The following FER variants were observed in gnomAD, a reference collection of about 807,000 sequenced individuals.
The protein encoded by FER is FER tyrosine kinase, also known as tyrosine-protein kinase Fer.
FER carries 63 observed loss-of-function variants against 111.0 expected under a neutral mutation model. That is an observed-to-expected ratio of 0.57 (90% CI 0.46 to 0.70). FER has a LOEUF of 0.70. Ranked by LOEUF, FER falls within the 30% of genes least tolerant of loss-of-function variation. The pLI is 0.00. For synonymous variants in FER, 327 were observed against 313.9 expected (o/e 1.04, Z -0.44); for missense variants, 914 against 954.0 (o/e 0.96, Z 0.55).
At chr5:109,015,660 C>T (rs1307676662) in intron 13 of FER, among the ~76,000 whole-genome samples, 1 of 151,868 alleles carries the variant, frequency 6.6e-6, no homozygotes, top group Non-Finnish European at 1.5e-5. Context: ...CACATCATGC[C>T]TCGGGGAAGC....
chr5:109,018,812 G>C (rs77415026), intron 13 of FER, among the ~76,000 whole-genome samples: 10 of 151,672 alleles, frequency 6.6e-5, no homozygotes, highest in African/African-American at 2.4e-4. Flanking sequence ...AGTAGAGTTG[G>C]ATTTCACCCA....
At chr5:108,748,986 G>C (rs1750090735) in intron 1 of FER, 1 of 152,586 alleles carries the variant, frequency 6.6e-6, no homozygotes, top group African/African-American at 2.4e-5. Flanking sequence ...GGGCTTGTCA[G>C]GTTCTAGGTA....
At chr5:109,070,464 A>C (rs1311215132) in intron 16 of FER, among the ~76,000 whole-genome samples, 3 of 151,878 alleles carry the variant, frequency 2.0e-5, no homozygotes, top group Non-Finnish European at 4.4e-5. Flanking sequence ...AATACTAATG[A>C]AAGAAAAAAC....
At chr5:109,051,412 C>T (rs1396705888) in intron 16 of FER, 185 of 1,612,418 alleles carry the variant, frequency 1.1e-4, no homozygotes, top group Non-Finnish European at 1.5e-4. Flanking sequence ...TAGTTCATGT[C>T]CAGCAGCTAG....
intron 16 of FER, among the ~76,000 whole-genome samples, chr5:109,081,442 T>C (rs1268953261): frequency 6.6e-6 from 1 of 152,060 alleles, no homozygotes; most frequent in African/African-American, 2.4e-5. Context: ...AGGAGAAATA[T>C]CTGTTTATGG....
intron 17 of FER, among the ~76,000 whole-genome samples, chr5:109,155,267 A>G (rs946916926): frequency 1.3e-5 from 2 of 151,936 alleles, no homozygotes; most frequent in African/African-American, 2.4e-5. Flanking sequence ...CTGTGAGACT[A>G]GCATAAGCAG....
chr5:108,899,361 G>GT (rs967548458), intron 10 of FER, among the ~76,000 whole-genome samples: 24 of 152,190 alleles, frequency 1.6e-4, no homozygotes, highest in Non-Finnish European at 1.3e-4. Flanking sequence ...TTCTTGATAA[G>GT]TATCTGGCAT....
chr5:109,162,459 G>A (rs1371905358), intron 17 of FER, among the ~76,000 whole-genome samples: 3 of 152,044 alleles, frequency 2.0e-5, no homozygotes, highest in African/African-American at 4.8e-5. Context: ...GATCCTGTTT[G>A]TATTAGAAAA....
At chr5:109,050,448 T>C (rs545238611) in intron 16 of FER, among the ~76,000 whole-genome samples, 1 of 152,290 alleles carries the variant, frequency 6.6e-6, no homozygotes, top group African/African-American at 2.4e-5. Context: ...TACCAATACA[T>C]GACAAACAAA....
In FER at chr5:109,053,971, G is replaced by A. The variant is rs549034426; in HGVS notation, c.1924+6773G>A. 7.9e-5 allele frequency among the ~76,000 whole-genome samples: 12 copies of A among 152,140 alleles called. No individual in the cohort carries two copies. In the South Asian group the frequency reaches 1.9e-3, roughly 24 times the overall value. ...CTCCCAAAGTGCTAGGATTACAGAC[G>A]TGAGCCACTGCGCCCGGCCTGGAGT... On this transcript the variant is annotated intron_variant, in intron 16 of 19. Transcript: ENST00000281092.
rs547440841 is a variant in FER, at chr5:109,196,749, GTCTTT to G, written c.*9182_*9186del. The G allele has an allele frequency of 4.6e-3, 702 of 152,036 alleles. 5 individuals are homozygous for G. The highest frequency in any genetic ancestry group is 0.016 in the African/African-American group (674 of 41,474). The allele number at this position is 152,036 out of a possible 1,614,324, so 9.4% of individuals were successfully genotyped here. On this transcript the variant is annotated 3_prime_UTR_variant, in exon 20 of 20. Transcript: ENST00000281092. Reference sequence around the variant, plus strand: ...TGTAAACTTAGATCATTTTTTAATTGTCTTTTCTTTTCCAATAGACCAGTTACCAC... The same window carrying G: ...TGTAAACTTAGATCATTTTTTAATTGTCTTTTCCAATAGACCAGTTACCAC...
Position 108,959,329 on chromosome 5 carries a change from G to C in FER, c.1638G>C (p.Leu546=). 5 of 1,610,500 alleles carry C rather than the reference G, an allele frequency of 3.1e-6. No individual in the cohort carries two copies. The highest frequency in any genetic ancestry group is 4.2e-6 in the Non-Finnish European group (5 of 1,178,062). ...TCACTAAGAAATCAGGTGTAGTTCT[G>C]CTGAATCCTATTCCTAAGGTAGGTG... ...QVITKKSGVV[L]LNPIPKDKKW... is the part of the protein sequence containing the mutation. The change falls in exon 13 of 20, where the codon CTG becomes CTC. Residue 546 remains leucine, a synonymous_variant. Transcript: ENST00000281092.
chr5:108,948,049 C>A (rs1217957128), intron 11 of FER, among the ~76,000 whole-genome samples: 1 of 152,098 alleles, frequency 6.6e-6, no homozygotes, highest in African/African-American at 2.4e-5. Context: ...AATGCAACAA[C>A]TATGAATCAC....
intron 3 of FER, among the ~76,000 whole-genome samples, chr5:108,800,311 A>C (rs540988887): frequency 6.5e-4 from 99 of 152,156 alleles, no homozygotes; most frequent in African/African-American, 2.3e-3. Context: ...CAGTTGAACA[A>C]TGGTTGAGAA....
At chr5:108,987,381 G>A (rs1762691763) in intron 13 of FER, among the ~76,000 whole-genome samples, 2 of 152,124 alleles carry the variant, frequency 1.3e-5, no homozygotes, top group African/African-American at 2.4e-5. Flanking sequence ...GGGAGGTGGA[G>A]GTTGCAGTGA....
chr5:109,137,669 C>T (rs747237959), intron 17 of FER, among the ~76,000 whole-genome samples: 16 of 152,198 alleles, frequency 1.1e-4, no homozygotes, highest in Non-Finnish European at 1.9e-4. Context: ...GAGCCACAAA[C>T]GAAGGTAGAA....
In FER at chr5:109,041,894, G is replaced by A. The variant is rs960631656; in HGVS notation, c.1714-2786G>A. 2.6e-5 allele frequency among the ~76,000 whole-genome samples: 4 copies of A among 152,222 alleles called. No homozygotes were observed. In the East Asian group the frequency reaches 5.8e-4, roughly 22 times the overall value. ...TAGAACACTGTGTTCTATCTGCAGG[G>A]CATTAGTAGGATTATATGTGGGGAA... On this transcript the variant is annotated intron_variant, in intron 14 of 19. Coordinates refer to ENST00000281092, the MANE Select transcript of FER (RefSeq NM_005246.4).
intron 13 of FER, among the ~76,000 whole-genome samples, chr5:108,969,535 A>C (rs1351129055): frequency 6.6e-6 from 1 of 152,092 alleles, no homozygotes; most frequent in South Asian, 2.1e-4. Flanking sequence ...AACAGATTAC[A>C]TGTTTGGGGA....
intron 2 of FER, among the ~76,000 whole-genome samples, chr5:108,794,222 CT>C (rs201053084): frequency 8.3e-4 from 111 of 133,708 alleles, no homozygotes; most frequent in Non-Finnish European, 9.0e-4. Flanking sequence ...TTTTTTTTTT[CT>C]TTTTTTTTTT....
Sources: allele counts gnomAD v4.1 joint callset (sites outside exome capture counted in the v4.1 genomes callset), GRCh38; gene constraint gnomAD v4.1.1; transcripts MANE v1.5; gene names NCBI Gene and HGNC (gene_info 2026-07-23, HGNC 2026-07-21).